Variants in FLNB observed in about 807,000 individuals in gnomAD.
FLNB encodes the protein filamin-B.
Under a neutral mutation model 250.6 loss-of-function variants are expected in FLNB, and 111 were observed. The observed-to-expected ratio is 0.44, with a 90% CI of 0.38 to 0.52. The LOEUF (loss-of-function observed/expected upper bound fraction) is 0.52, where lower values mean the gene tolerates loss of function less well. Ranked by LOEUF, FLNB falls within the 20% of genes least tolerant of loss-of-function variation. FLNB has a pLI of 0.00. For synonymous variants in FLNB, 1,302 were observed against 1,372.1 expected (o/e 0.95, Z 1.13); for missense variants, 2,869 against 3,447.8 (o/e 0.83, Z 4.20).
At chr3:58,168,413 A>G in intron 43 of FLNB, 27 bp from the exon 44 acceptor site, 1 of 1,579,918 alleles carries the variant, frequency 6.3e-7, no homozygotes, top group Non-Finnish European at 8.7e-7. Flanking sequence ...AGTCATCAAC[A>G]CAGCATTTTC....
At chr3:58,044,598 C>G (rs936128454) in intron 1 of FLNB, among the ~76,000 whole-genome samples, 3 of 152,132 alleles carry the variant, frequency 2.0e-5, no homozygotes, top group African/African-American at 7.2e-5. Flanking sequence ...GCGCTCCAGC[C>G]TGGGTGACAG....
At chr3:58,076,121 G>A (rs2106942754) in intron 1 of FLNB, among the ~76,000 whole-genome samples, 1 of 152,316 alleles carries the variant, frequency 6.6e-6, no homozygotes, top group Non-Finnish European at 1.5e-5. Flanking sequence ...TGACTGACGT[G>A]TCAGAATAGC....
chr3:58,110,118 A>G lies in FLNB; in HGVS notation c.2432A>G (p.Tyr811Cys), dbSNP rs1445435159. 1 of 1,614,186 alleles carries G rather than the reference A, an allele frequency of 6.2e-7. No individual in the cohort carries two copies. Among genetic ancestry groups the G allele is most frequent in the Non-Finnish European group, 8.5e-7 (1 of 1,180,032 alleles). The change falls in exon 16 of 46, where the codon TAT becomes TGT. Residue 811 changes from tyrosine to cysteine, a missense_variant. By Grantham distance (194) the Tyr-to-Cys change is radical (BLOSUM62 -2). Around this residue, in one of 5 missense-constraint regions of FLNB, gnomAD observed 1,348 missense variants for 1,466.7 expected, o/e 0.92. Transcript: ENST00000295956. The part of the protein sequence containing the change: ...HNANDTFTVK[Y>C]VPPAAGRYTI... The stretch of plus-strand genomic sequence containing the variant: ...GCCAATGATACGTTCACAGTCAAAT[A>G]TGTGCCTCCTGCTGCTGGGCGATAC...
chr3:58,090,215 A>G (rs1335260584), intron 4 of FLNB, among the ~76,000 whole-genome samples: 2 of 151,584 alleles, frequency 1.3e-5, no homozygotes, highest in Non-Finnish European at 2.9e-5. Context: ...CATTATCACT[A>G]TCTTCCACCT....
At chr3:58,131,728 G>C (rs1408728176) in intron 25 of FLNB, among the ~76,000 whole-genome samples, 1 of 152,202 alleles carries the variant, frequency 6.6e-6, no homozygotes, top group African/African-American at 2.4e-5. Flanking sequence ...GGCAGAAATG[G>C]TTTGGGGGAA....
chr3:58,124,454 A>G lies in FLNB; in HGVS notation c.3847A>G (p.Thr1283Ala). 1.2e-6 allele frequency: 2 copies of G among 1,614,188 alleles called. No homozygotes were observed. The highest frequency in any genetic ancestry group is 1.7e-6 in the Non-Finnish European group (2 of 1,180,020). ...PSGASTECFV[T>A]DNADGTYQVE... Reference sequence around the variant, plus strand: ...AGGGGCCTCCACCGAGTGCTTTGTCACAGACAATGCGGATGGGACCTACCA... The same window carrying G: ...AGGGGCCTCCACCGAGTGCTTTGTCGCAGACAATGCGGATGGGACCTACCA... The change falls in exon 22 of 46, where the codon ACA becomes GCA. Residue 1283 changes from threonine (T) to alanine (A), a missense_variant. Physicochemically the swap from Thr to Ala is moderately conservative, Grantham distance 58. This residue lies in a region of FLNB where 1,348 missense variants were observed against 1,466.7 expected (regional missense o/e 0.92). Coordinates refer to ENST00000295956, the MANE Select transcript of FLNB (RefSeq NM_001457.4).
chr3:58,024,029 T>G (rs1488113068), intron 1 of FLNB, among the ~76,000 whole-genome samples: 1 of 152,208 alleles, frequency 6.6e-6, no homozygotes, highest in Non-Finnish European at 1.5e-5. Flanking sequence ...CTGGGAACTT[T>G]GAGAAGTCTG....
At chr3:58,046,061 C>T (rs1373836613) in intron 1 of FLNB, among the ~76,000 whole-genome samples, 1 of 150,336 alleles carries the variant, frequency 6.7e-6, no homozygotes, top group Non-Finnish European at 1.5e-5. Flanking sequence ...CTTGGAGAAC[C>T]TCAAGATGCC....
At chr3:58,118,526 A>C (rs1368605535) in intron 18 of FLNB, among the ~76,000 whole-genome samples, 1 of 152,200 alleles carries the variant, frequency 6.6e-6, no homozygotes, top group African/African-American at 2.4e-5. Flanking sequence ...TCTGAGCCAC[A>C]GTTTCCTCTC....
intron 8 of FLNB, among the ~76,000 whole-genome samples, chr3:58,101,247 T>G (rs866583804): frequency 2.2e-4 from 33 of 152,064 alleles, no homozygotes; most frequent in African/African-American, 7.2e-4. Context: ...GTCTGTGGAG[T>G]AGAGTCCCGT....
At chr3:58,153,052 G>A (rs1245820401) in intron 38 of FLNB, among the ~76,000 whole-genome samples, 1 of 152,252 alleles carries the variant, frequency 6.6e-6, no homozygotes, top group African/African-American at 2.4e-5. Context: ...AAATGCCAAA[G>A]CTTCTTGACG....
At chr3:58,058,551 G>A (rs944899971) in intron 1 of FLNB, among the ~76,000 whole-genome samples, 1 of 152,212 alleles carries the variant, frequency 6.6e-6, no homozygotes, top group African/African-American at 2.4e-5. Context: ...ACAATAAGAT[G>A]TTCCTTAATG....
At chr3:58,047,514 G>A (rs2097155952) in intron 1 of FLNB, among the ~76,000 whole-genome samples, 1 of 151,482 alleles carries the variant, frequency 6.6e-6, no homozygotes. Flanking sequence ...AATTGTTAAT[G>A]TTTTGCCATA....
At chr3:58,105,019 T>G in intron 10 of FLNB, 61 bp from the exon 11 acceptor site, 1 of 1,605,644 alleles carries the variant, frequency 6.2e-7, no homozygotes, top group South Asian at 1.1e-5. Context: ...CTGCAGCTTA[T>G]GGCTATAGTG....
At chr3:58,116,421 G>A (rs1226702678) in intron 18 of FLNB, among the ~76,000 whole-genome samples, 1 of 152,164 alleles carries the variant, frequency 6.6e-6, no homozygotes, top group Admixed American at 6.5e-5. Flanking sequence ...AACACAGGCT[G>A]TGCCACGTGG....
chr3:58,019,118 CAG>C (rs969573484), intron 1 of FLNB, among the ~76,000 whole-genome samples: 6 of 152,136 alleles, frequency 3.9e-5, no homozygotes, highest in Non-Finnish European at 8.8e-5. Context: ...GCCTGGGCGA[CAG>C]AGTGAGACCC....
At chr3:58,150,324 C>G in intron 38 of FLNB, 97 bp downstream of exon 38, 1 of 1,407,770 alleles carries the variant, frequency 7.1e-7, no homozygotes, top group Non-Finnish European at 1.0e-6. Context: ...GCCCAGAACA[C>G]AGTATCCAAG....
intron 4 of FLNB, among the ~76,000 whole-genome samples, chr3:58,084,053 G>C (rs9858773): frequency 7.9e-5 from 12 of 151,920 alleles, no homozygotes; most frequent in African/African-American, 2.7e-4. Context: ...TTAGCTTGGC[G>C]TGGTGGTACA....
rs186956439 is a variant in FLNB, at chr3:58,126,762, G to C, written c.4222G>C (p.Gly1408Arg). The change falls in exon 24 of 46, where the codon GGC (glycine) becomes CGC (arginine). Residue 1408 changes from glycine to arginine, a missense_variant and splice_region_variant. Physicochemically the swap from Gly to Arg is moderately radical, Grantham distance 125. This residue lies in a region of FLNB where 1,348 missense variants were observed against 1,466.7 expected (regional missense o/e 0.92). Transcript: ENST00000295956. The part of the protein sequence containing the change: ...NITYGGAHIP[G>R]SPFRVPVKDV... Reference sequence around the variant, plus strand: ...CACATATGGAGGAGCCCACATCCCCGGTGAGCTATTCCTCAGAGAGGACCC... The same window carrying C: ...CACATATGGAGGAGCCCACATCCCCCGTGAGCTATTCCTCAGAGAGGACCC... The C allele has an allele frequency of 6.2e-7, 1 of 1,613,060 alleles. No individual in the cohort carries two copies. The highest frequency in any genetic ancestry group is 8.5e-7 in the Non-Finnish European group (1 of 1,179,324).
Sources: allele counts gnomAD v4.1 joint callset (sites outside exome capture counted in the v4.1 genomes callset), GRCh38; gene constraint gnomAD v4.1.1; regional missense constraint gnomAD v4.1.1; transcripts MANE v1.5; gene names NCBI Gene and HGNC (gene_info 2026-07-23, HGNC 2026-07-21).